The following CA1 variants were observed in gnomAD, a reference collection of about 807,000 sequenced individuals.
CA1 encodes carbonic anhydrase 1, also known as carbonate dehydratase I.
A neutral mutation model predicts 28.8 loss-of-function variants in CA1; 27 were observed. The ratio of observed to expected loss-of-function variants is 0.94; its 90% confidence interval spans 0.69 to 1.29. The LOEUF is 1.29. Ranked by LOEUF, CA1 falls within the 50% of genes most tolerant of loss-of-function variation. CA1 has a pLI of 0.00. For missense variants in CA1, 335 were observed against 310.5 expected, an observed-to-expected ratio of 1.08 and a Z score of -0.59; for synonymous variants, 121 against 108.8, an observed-to-expected ratio of 1.11 and a Z score of -0.70.
At chr8:85,341,731 T>G in intron 1 of CA1, 72 bp from the exon 2 acceptor site, 1 of 842,800 alleles carries the variant, frequency 1.2e-6, no homozygotes. Flanking sequence ...AATCCCTGCT[T>G]GGGCGTTTTT....
chr8:85,366,770 G>A (rs1011603549), intron 1 of CA1, among the ~76,000 whole-genome samples: 45 of 152,182 alleles, frequency 3.0e-4, no homozygotes, highest in Non-Finnish European at 5.9e-5. Flanking sequence ...GATACTTTAA[G>A]TGTAAAAAGT....
At chr8:85,352,013 C>T (rs552335877) in intron 1 of CA1, among the ~76,000 whole-genome samples, 22 of 152,270 alleles carry the variant, frequency 1.4e-4, no homozygotes, top group Admixed American at 5.9e-4. Flanking sequence ...ACAAAACAAA[C>T]GGTACCATGG....
chr8:85,377,385 C>G (rs1044138807), intron 1 of CA1, among the ~76,000 whole-genome samples: 1 of 152,038 alleles, frequency 6.6e-6, no homozygotes, highest in Admixed American at 6.5e-5. Flanking sequence ...TTCAGGTAGA[C>G]TAAATTTGTA....
In CA1 at chr8:85,332,624, A is replaced by T. The variant is rs948040341; in HGVS notation, c.451-72T>A. The T allele has an allele frequency of 7.0e-6, 8 of 1,150,208 alleles. No homozygotes were observed. The African/African-American group carries it at 9.2e-5, about 13-fold the overall frequency. 71.3% of individuals were successfully genotyped at this position (1,150,208 alleles called of 1,614,324 possible). A position where few individuals can be genotyped will look rare whatever the true frequency, so the allele number is the denominator to read the frequency against. On this transcript the variant is annotated intron_variant, in intron 5 of 7. Coordinates refer to ENST00000523022, the MANE Select transcript of CA1 (RefSeq NM_001128831.4). ...CGAACACTGCTTAGCTAAATTTTGAATTTTTTTTCAATTAACAACTGACAA... is the reference window on the plus strand; with the variant it reads ...CGAACACTGCTTAGCTAAATTTTGATTTTTTTTTCAATTAACAACTGACAA...
intron 1 of CA1, chr8:85,342,830 A>G (rs1808981961): frequency 6.6e-6 from 1 of 152,110 alleles, no homozygotes; most frequent in Admixed American, 6.6e-5. Flanking sequence ...CAACCCCTGA[A>G]AGAAGAGAGG....
At chr8:85,376,442 A>G (rs1245123870) in intron 1 of CA1, among the ~76,000 whole-genome samples, 2 of 152,072 alleles carry the variant, frequency 1.3e-5, no homozygotes, top group African/African-American at 4.8e-5. Context: ...TAGGCGGATC[A>G]TCAGAGGTCA....
At chr8:85,362,476 G>A (rs1177639003) in intron 1 of CA1, among the ~76,000 whole-genome samples, 2 of 152,072 alleles carry the variant, frequency 1.3e-5, no homozygotes, top group East Asian at 3.9e-4. Context: ...GTGGTGGCTG[G>A]GGTATTGAGG....
At chr8:85,330,188 A>G (rs974450917) in intron 6 of CA1, among the ~76,000 whole-genome samples, 12 of 152,088 alleles carry the variant, frequency 7.9e-5, no homozygotes. Context: ...TTTTTTCTCT[A>G]GGAATGATGC....
chr8:85,330,071 C>T (rs1488234402), intron 6 of CA1, among the ~76,000 whole-genome samples: 1 of 151,878 alleles, frequency 6.6e-6, no homozygotes, highest in Non-Finnish European at 1.5e-5. Context: ...AGTTTTTGAC[C>T]AAGACGTCTT....
chr8:85,351,254 G>T (rs1226561027), intron 1 of CA1, among the ~76,000 whole-genome samples: 1 of 152,138 alleles, frequency 6.6e-6, no homozygotes, highest in Non-Finnish European at 1.5e-5. Flanking sequence ...TCTGGGTATG[G>T]CACTCACTGT....
chr8:85,344,916 T>G (rs1284624719), intron 1 of CA1, among the ~76,000 whole-genome samples: 2 of 152,200 alleles, frequency 1.3e-5, no homozygotes, highest in Non-Finnish European at 2.9e-5. Context: ...TTGTTGACTA[T>G]TAAATTTGGC....
intron 5 of CA1, among the ~76,000 whole-genome samples, chr8:85,333,129 A>G: frequency 1.3e-5 from 2 of 152,318 alleles, no homozygotes; most frequent in Admixed American, 1.3e-4. Flanking sequence ...TATTAAATTG[A>G]TAAATTTCTG....
intron 1 of CA1, among the ~76,000 whole-genome samples, chr8:85,344,689 T>C (rs983092196): frequency 6.6e-6 from 1 of 151,992 alleles, no homozygotes; most frequent in African/African-American, 2.4e-5. Flanking sequence ...CTCTCTGCTA[T>C]AAAAGGAACA....
chr8:85,372,738 A>G (rs1464780442), intron 1 of CA1, among the ~76,000 whole-genome samples: 2 of 152,194 alleles, frequency 1.3e-5, no homozygotes, highest in Admixed American at 6.5e-5. Flanking sequence ...TTTCAATTGC[A>G]TGCCATTCTG....
At chr8:85,360,425 C>G (rs546888657) in intron 1 of CA1, among the ~76,000 whole-genome samples, 1 of 152,302 alleles carries the variant, frequency 6.6e-6, no homozygotes, top group South Asian at 2.1e-4. Context: ...GGTGTAGTGG[C>G]TCAGGCCCAT....
At chr8:85,364,207 A>C (rs1311077626) in intron 1 of CA1, among the ~76,000 whole-genome samples, 1 of 152,116 alleles carries the variant, frequency 6.6e-6, no homozygotes, top group Non-Finnish European at 1.5e-5. Flanking sequence ...GCTGCTCTTT[A>C]ATGTGAAATG....
intron 1 of CA1, among the ~76,000 whole-genome samples, chr8:85,343,847 TGAGCCTTTATA>T (rs1011806082): frequency 3.9e-5 from 6 of 151,906 alleles, no homozygotes; most frequent in African/African-American, 1.4e-4. Context: ...TAAAGTTTAA[TGAGCCTTTATA>T]AGTCCAAACA....
At chr8:85,354,398 C>T (rs1269148316) in intron 1 of CA1, among the ~76,000 whole-genome samples, 1 of 151,940 alleles carries the variant, frequency 6.6e-6, no homozygotes, top group Admixed American at 6.6e-5. Context: ...CTTAGATACA[C>T]CCCAGAGTAC....
intron 2 of CA1, among the ~76,000 whole-genome samples, chr8:85,339,598 A>C (rs1347277992): frequency 6.6e-6 from 1 of 152,210 alleles, no homozygotes. Context: ...TTTAAATCAA[A>C]AGCTAGAAAT....
Sources: allele counts gnomAD v4.1 joint callset (sites outside exome capture counted in the v4.1 genomes callset), GRCh38; gene constraint gnomAD v4.1.1; transcripts MANE v1.5; gene names NCBI Gene and HGNC (gene_info 2026-07-23, HGNC 2026-07-21).